DCDC1: variants seen among roughly 807,000 people sequenced by gnomAD.
DCDC1 encodes the protein doublecortin domain containing 1.
In DCDC1, 200 loss-of-function variants were observed where a neutral mutation model predicts 178.3. The ratio of observed to expected loss-of-function variants is 1.12; its 90% CI spans 1.00 to 1.26. DCDC1 has a LOEUF of 1.26. Ranked by LOEUF, DCDC1 falls within the 50% of genes most tolerant of loss-of-function variation. DCDC1 has a pLI of 0.00. For synonymous variants in DCDC1, 690 were observed against 604.8 expected (o/e 1.14, Z -2.07); for missense variants, 1,983 against 1,749.2 (o/e 1.13, Z -2.38).
chr11:31,337,775 T>G (rs189695958), intron 1 of DCDC1, among the ~76,000 whole-genome samples: 38 of 152,300 alleles, frequency 2.5e-4, no homozygotes, highest in African/African-American at 9.1e-4. Context: ...ATCATCTTTA[T>G]GTTGAAGCAC....
intron 17 of DCDC1, among the ~76,000 whole-genome samples, chr11:31,078,996 G>A (rs1221868700): frequency 1.3e-5 from 2 of 152,138 alleles, no homozygotes; most frequent in Non-Finnish European, 2.9e-5. Flanking sequence ...GAAACATGTT[G>A]TCTCTGTGCT....
intron 18 of DCDC1, among the ~76,000 whole-genome samples, chr11:31,067,571 C>G (rs1189814177): frequency 6.6e-6 from 1 of 152,006 alleles, no homozygotes; most frequent in Non-Finnish European, 1.5e-5. Context: ...AACATACATA[C>G]ACACAAAAAC....
At chr11:31,116,265 C>G (rs189698056) in intron 11 of DCDC1, among the ~76,000 whole-genome samples, 1 of 151,602 alleles carries the variant, frequency 6.6e-6, no homozygotes, top group Admixed American at 6.6e-5. Context: ...ATTAGAAGCT[C>G]TAATATATGA....
At chr11:31,125,357 A>T (rs1051169791) in intron 11 of DCDC1, among the ~76,000 whole-genome samples, 2 of 152,178 alleles carry the variant, frequency 1.3e-5, no homozygotes, top group Middle Eastern at 6.3e-3. Flanking sequence ...CTATTGTGGA[A>T]GACAGTGTGG....
intron 20 of DCDC1, among the ~76,000 whole-genome samples, chr11:31,054,248 A>G (rs1955444361): frequency 6.6e-6 from 1 of 151,768 alleles, no homozygotes; most frequent in South Asian, 2.1e-4. Flanking sequence ...AAAAAAGAAA[A>G]AAAAAAAAAA....
At chr11:31,356,178 G>A (rs574234074) in intron 1 of DCDC1, among the ~76,000 whole-genome samples, 1 of 152,070 alleles carries the variant, frequency 6.6e-6, no homozygotes, top group African/African-American at 2.4e-5. Context: ...AAGAACAAGG[G>A]GGAATTTTTA....
chr11:30,925,094 T>C (rs1489213311), intron 23 of DCDC1, among the ~76,000 whole-genome samples: 5 of 151,800 alleles, frequency 3.3e-5, no homozygotes, highest in Admixed American at 3.3e-4. Context: ...AAAAGTTTAA[T>C]TTATATACCA....
rs140758606 is a variant in DCDC1, at chr11:31,305,653, G to A, written c.716C>T (p.Thr239Met). The A allele has an allele frequency of 4.3e-4, 696 of 1,613,558 alleles. No individual in the cohort carries two copies. Among genetic ancestry groups the A allele is most frequent in the Admixed American group, 5.8e-4 (35 of 59,966 alleles). Reference sequence around the variant, plus strand: ...GAATGGATTTAAAAAGGGCTCTCCCGTTGAAACATAAACATCGGCTTCATG... The same window carrying A: ...GAATGGATTTAAAAAGGGCTCTCCCATTGAAACATAAACATCGGCTTCATG... The part of the protein sequence containing the change: ...IPHEADVYVS[T>M]GEPFLNPFKK... Residue 239 changes from threonine (T) to methionine (M), a missense_variant, in exon 6 of 39, where the codon ACG becomes ATG. Transcript: ENST00000684477.
At chr11:30,988,481 CA>C (rs1370921508) in intron 20 of DCDC1, among the ~76,000 whole-genome samples, 1 of 151,784 alleles carries the variant, frequency 6.6e-6, no homozygotes, top group Non-Finnish European at 1.5e-5. Context: ...GGAAAATAAG[CA>C]CTCTATTTGG....
At position 31,064,596 on chromosome 11, in the gene DCDC1, GA is replaced by G. The variant is rs748018990; in HGVS notation, c.2463del (p.Leu822Ter). 1.2e-5 allele frequency: 9 copies of G among 765,736 alleles called. No homozygotes were observed. The highest frequency in any genetic ancestry group is 5.1e-5 in the Admixed American group (3 of 58,938). 47.4% of individuals were successfully genotyped at this position (765,736 alleles called of 1,614,324 possible). On this transcript the variant is annotated frameshift_variant, in exon 20 of 39. Transcript: ENST00000684477. LOFTEE classifies it high-confidence loss of function. ...TCTGAGGGTTCTGGCAGTTGCTTCA[GA>G]CCAAGGTTGCTGGCACTTTCTTGCA... ...EVLQESASNL[G>X]LKQLPEPSDT...
At chr11:31,015,378 ATAATGGGTT>A (rs1315096695) in intron 20 of DCDC1, among the ~76,000 whole-genome samples, 2 of 152,184 alleles carry the variant, frequency 1.3e-5, no homozygotes, top group Admixed American at 1.3e-4. Flanking sequence ...TTTCCTGGTA[ATAATGGGTT>A]TTCACTGAAA....
At chr11:30,868,031 C>T (rs1941162122) in intron 38 of DCDC1, among the ~76,000 whole-genome samples, 1 of 152,008 alleles carries the variant, frequency 6.6e-6, no homozygotes, top group Non-Finnish European at 1.5e-5. Flanking sequence ...AATGTCAGCT[C>T]AAGAATGGAA....
At chr11:30,892,756 G>C in intron 36 of DCDC1, 62 bp downstream of exon 36, 19 of 1,588,014 alleles carry the variant, frequency 1.2e-5, no homozygotes, top group Non-Finnish European at 1.6e-5. Context: ...AAACAATCTA[G>C]AAATATCAGA....
At chr11:30,954,030 G>A (rs1326837692) in intron 20 of DCDC1, among the ~76,000 whole-genome samples, 3 of 23,188 alleles carry the variant, frequency 1.3e-4, no homozygotes, top group Non-Finnish European at 2.5e-4. Context: ...TTTTTTTTTT[G>A]AGACAGAGTC....
chr11:30,981,759 G>A (rs1318462013), intron 20 of DCDC1, among the ~76,000 whole-genome samples: 2 of 152,204 alleles, frequency 1.3e-5, no homozygotes, highest in East Asian at 3.9e-4. Context: ...TCTGTTCAAC[G>A]TTTCAGTCAT....
intron 8 of DCDC1, among the ~76,000 whole-genome samples, chr11:31,261,062 A>G (rs935362052): frequency 1.3e-5 from 2 of 152,176 alleles, no homozygotes; most frequent in African/African-American, 2.4e-5. Context: ...GATTAAGTAC[A>G]GGATTAATAT....
chr11:31,024,065 C>T (rs1034728845), intron 20 of DCDC1, among the ~76,000 whole-genome samples: 1 of 151,880 alleles, frequency 6.6e-6, no homozygotes, highest in Non-Finnish European at 1.5e-5. Context: ...CACAAAGGTA[C>T]ATGATTAGGA....
intron 34 of DCDC1, among the ~76,000 whole-genome samples, chr11:30,896,582 C>A (rs956957120): frequency 1.3e-5 from 2 of 152,182 alleles, no homozygotes; most frequent in African/African-American, 2.4e-5. Context: ...AGTTAGCAGA[C>A]TTATTTCGCT....
chr11:31,049,737 A>T (rs184201608), intron 20 of DCDC1, among the ~76,000 whole-genome samples: 1 of 152,332 alleles, frequency 6.6e-6, no homozygotes, highest in Admixed American at 6.5e-5. Flanking sequence ...ACACACCTTC[A>T]GTGGAGAAGC....
Sources: gnomAD v4.1 joint callset for allele counts (sites outside exome capture counted in the v4.1 genomes callset) on GRCh38, gnomAD v4.1.1 for gene constraint, MANE v1.5 for transcripts, NCBI Gene and HGNC (gene_info 2026-07-23, HGNC 2026-07-21) for gene names.